PAPSS2: variants seen among roughly 807,000 people sequenced by gnomAD.
The protein encoded by PAPSS2 is 3'-phosphoadenosine 5'-phosphosulfate synthase 2.
A neutral mutation model predicts 66.5 loss-of-function variants in PAPSS2; 61 were observed. That is an observed-to-expected ratio of 0.92 (90% CI 0.75 to 1.14). The LOEUF is 1.14. Among genes scored for constraint, PAPSS2 ranks in the 50% most tolerant of loss-of-function variants. The pLI, the probability that PAPSS2 is intolerant of heterozygous loss-of-function variation, is 0.00. For synonymous variants in PAPSS2, 289 were observed against 287.5 expected, an observed-to-expected ratio of 1.01 and a Z score of -0.05; for missense variants, 708 against 789.6, an observed-to-expected ratio of 0.90 and a Z score of 1.24.
intron 1 of PAPSS2, among the ~76,000 whole-genome samples, chr10:87,686,637 T>A (rs1194936625): frequency 1.3e-5 from 2 of 152,146 alleles, no homozygotes; most frequent in East Asian, 3.9e-4. Context: ...TTTTGAAAAA[T>A]TGCTATGTCT....
rs896922026 is a variant in PAPSS2 at position 87,747,142 on chromosome 10, A to G, written c.*1172A>G. On this transcript the variant is annotated 3_prime_UTR_variant, in exon 13 of 13. Coordinates refer to ENST00000456849, the MANE Select transcript of PAPSS2 (RefSeq NM_001015880.2). ...TACAAAGCTGCCTTCTCGGATACTG[A>G]AAGGTCGAGTTTTCTGAACTGCACT... is the stretch of plus-strand genomic sequence containing the variant. The G allele has an allele frequency of 6.6e-6, 1 of 152,014 alleles. No homozygotes were observed. 9.4% of individuals were successfully genotyped at this position (152,014 alleles called of 1,614,324 possible).
Position 87,745,341 on chromosome 10 carries a change from T to A in PAPSS2, c.1721+110T>A, listed in dbSNP as rs779102539. On this transcript the variant is annotated intron_variant, in intron 12 of 12. Coordinates refer to ENST00000456849, the MANE Select transcript of PAPSS2 (RefSeq NM_001015880.2). ...CAGTGCATTGCCACATGCTCCCAAG[T>A]GGACTGAGTCCCTTGAGAGTCAAGA... The A allele has an allele frequency of 3.6e-6, 3 of 834,374 alleles. 1 individual carries two copies. Among genetic ancestry groups the A allele is most frequent in the Non-Finnish European group, 6.0e-6 (3 of 497,444 alleles). 51.7% of individuals were successfully genotyped at this position (834,374 alleles called of 1,614,324 possible). A position where few individuals can be genotyped will look rare whatever the true frequency, so the allele number is the denominator to read the frequency against.
intron 9 of PAPSS2, among the ~76,000 whole-genome samples, chr10:87,738,965 T>G (rs988363693): frequency 4.6e-5 from 7 of 152,240 alleles, no homozygotes; most frequent in Non-Finnish European, 1.0e-4. Context: ...TATTTTCTCT[T>G]TCTATAGGTT....
intron 9 of PAPSS2, among the ~76,000 whole-genome samples, chr10:87,739,844 C>T (rs1564728674): frequency 6.6e-6 from 1 of 152,182 alleles, no homozygotes; most frequent in Non-Finnish European, 1.5e-5. Context: ...TAAGAGTGTT[C>T]TTGATGAAGC....
chr10:87,726,662 A>G lies in PAPSS2; in HGVS notation c.881-622A>G, dbSNP rs73342806. Among the ~76,000 whole-genome samples the G allele has an allele frequency of 3.9e-3, 587 of 152,312 alleles. 7 individuals are homozygous for G. Among genetic ancestry groups the G allele is most frequent in the African/African-American group, 0.014 (564 of 41,562 alleles). The stretch of plus-strand genomic sequence containing the variant: ...AATTAAAGAAAAAGGTGAATGAGGT[A>G]TTACCCAGATTGTGGCTGATTAGTA... On this transcript the variant is annotated intron_variant, in intron 8 of 12. Coordinates refer to ENST00000456849, the MANE Select transcript of PAPSS2 (RefSeq NM_001015880.2).
chr10:87,660,089 G>T, intron 1 of PAPSS2, 81 bp downstream of exon 1: 1 of 1,428,236 alleles, frequency 7.0e-7, no homozygotes, highest in Non-Finnish European at 9.7e-7. Context: ...CCGGCACTTG[G>T]GTCCCACCCT....
chr10:87,679,108 T>C (rs1564710177), intron 1 of PAPSS2, among the ~76,000 whole-genome samples: 1 of 152,182 alleles, frequency 6.6e-6, no homozygotes, highest in Non-Finnish European at 1.5e-5. Flanking sequence ...TAAAAAAGAA[T>C]GAAATCATGT....
At chr10:87,743,263 G>T in intron 10 of PAPSS2, 110 bp from the exon 11 acceptor site, 5 of 1,113,822 alleles carry the variant, frequency 4.5e-6, no homozygotes, top group Non-Finnish European at 6.6e-6. Flanking sequence ...AAAAAAGCCA[G>T]TGGATAATGA....
At chr10:87,689,616 GA>G (rs1853142477) in intron 1 of PAPSS2, among the ~76,000 whole-genome samples, 1 of 144,434 alleles carries the variant, frequency 6.9e-6, no homozygotes, top group African/African-American at 2.6e-5. Flanking sequence ...GCGGTGAGCC[GA>G]GATCGTGCCA....
At chr10:87,670,201 A>G (rs1354772609) in intron 1 of PAPSS2, among the ~76,000 whole-genome samples, 2 of 152,270 alleles carry the variant, frequency 1.3e-5, no homozygotes, top group Non-Finnish European at 2.9e-5. Flanking sequence ...CTATGTCAGT[A>G]TTCAGCAAAC....
intron 1 of PAPSS2, among the ~76,000 whole-genome samples, chr10:87,665,913 TG>T (rs1366654873): frequency 6.6e-6 from 1 of 152,176 alleles, no homozygotes; most frequent in Non-Finnish European, 1.5e-5. Flanking sequence ...TTCCAGATTT[TG>T]GCCTAGTAGT....
chr10:87,743,300 G>T, intron 10 of PAPSS2, 73 bp from the exon 11 acceptor site: 8 of 1,355,052 alleles, frequency 5.9e-6, no homozygotes, highest in East Asian at 2.3e-5. Context: ...ACATAGCTGT[G>T]TCCTTTCTGT....
intron 1 of PAPSS2, among the ~76,000 whole-genome samples, chr10:87,679,757 G>A (rs1852994750): frequency 6.6e-6 from 1 of 152,080 alleles, no homozygotes; most frequent in Non-Finnish European, 1.5e-5. Flanking sequence ...CTGACACAGT[G>A]GCTCATGTCT....
chr10:87,690,022 A>G (rs1435204135), intron 1 of PAPSS2, among the ~76,000 whole-genome samples: 2 of 152,218 alleles, frequency 1.3e-5, no homozygotes, highest in East Asian at 3.8e-4. Context: ...AATATTCTAT[A>G]ATGGACAATT....
chr10:87,715,190 T>G, intron 6 of PAPSS2, 92 bp downstream of exon 6: 1 of 764,794 alleles, frequency 1.3e-6, no homozygotes, highest in Non-Finnish European at 2.3e-6. Context: ...AAAGTATAAA[T>G]AAGGTGCACA....
intron 1 of PAPSS2, among the ~76,000 whole-genome samples, chr10:87,701,457 C>A (rs2131923527): frequency 7.1e-6 from 1 of 140,076 alleles, no homozygotes; most frequent in East Asian, 2.3e-4. Context: ...GGTCTCACTC[C>A]ATTGCCAAGA....
intron 7 of PAPSS2, among the ~76,000 whole-genome samples, chr10:87,720,743 CAA>C (rs34452823): frequency 6.6e-6 from 1 of 150,786 alleles, no homozygotes; most frequent in Non-Finnish European, 1.5e-5. Context: ...GTCCAAAAGC[CAA>C]AAAAAAACCC....
Position 87,713,312 on chromosome 10 carries a change from T to TAAGAAAAAAAAA in PAPSS2, c.381+4_381+5insGAAAAAAAAAAA. 1 of 573,438 alleles carries TAAGAAAAAAAAA rather than the reference T, an allele frequency of 1.7e-6. No homozygotes were observed. Among genetic ancestry groups the TAAGAAAAAAAAA allele is most frequent in the South Asian group, 2.2e-5 (1 of 46,078 alleles). 35.5% of individuals were successfully genotyped at this position (573,438 alleles called of 1,614,324 possible). ...AGCTTTATTTCTCCATTCGCAAAGG[T>TAAGAAAAAAAAA]AAAAAAAAAAAAAAAAAAAAAAGGC... On this transcript the variant is annotated splice_region_variant and intron_variant, in intron 3 of 12. Transcript: ENST00000456849.
intron 9 of PAPSS2, among the ~76,000 whole-genome samples, chr10:87,735,005 T>C (rs1258348231): frequency 6.6e-6 from 1 of 152,116 alleles, no homozygotes; most frequent in Non-Finnish European, 1.5e-5. Flanking sequence ...GTTGAGCTTA[T>C]CCTCTCCTTT....
Sources: allele counts gnomAD v4.1 joint callset (sites outside exome capture counted in the v4.1 genomes callset), GRCh38; gene constraint gnomAD v4.1.1; transcripts MANE v1.5; gene names NCBI Gene and HGNC (gene_info 2026-07-23, HGNC 2026-07-21).